TDRD9: variants seen among roughly 807,000 people sequenced by gnomAD.
TDRD9 encodes the protein tudor domain containing 9, also known as ATP-dependent RNA helicase TDRD9.
Under a neutral mutation model 172.6 loss-of-function variants are expected in TDRD9, and 124 were observed. That is an observed-to-expected ratio of 0.72 (90% CI 0.62 to 0.83). The LOEUF is 0.83. Among genes scored for constraint, TDRD9 ranks in the 40% least tolerant of loss-of-function variants. The pLI is 0.00. For missense variants in TDRD9, 1,479 were observed against 1,714.1 expected (o/e 0.86, Z 2.42); for synonymous variants, 619 against 617.1 (o/e 1.00, Z -0.05).
At chr14:103,973,147 C>T (rs56050561) in intron 6 of TDRD9, among the ~76,000 whole-genome samples, 3,374 of 152,134 alleles carry the variant, frequency 0.022, 142 homozygotes, top group Admixed American at 0.12. Flanking sequence ...TCACTGTGTT[C>T]ATGATTTATT....
At chr14:104,003,239 G>T (rs997602296) in intron 13 of TDRD9, among the ~76,000 whole-genome samples, 3 of 152,050 alleles carry the variant, frequency 2.0e-5, no homozygotes, top group Non-Finnish European at 4.4e-5. Flanking sequence ...TTTTATAAGG[G>T]TTAGAGTAGC....
chr14:103,966,711 A>G lies in TDRD9; in HGVS notation c.645A>G (p.Val215=). The G allele has an allele frequency of 1.3e-6, 2 of 1,518,782 alleles. No individual in the cohort carries two copies. The highest frequency in any genetic ancestry group is 1.8e-6 in the Non-Finnish European group (2 of 1,131,116). The allele number at this position is 1,518,782 out of a possible 1,614,324, so 94.1% of individuals were successfully genotyped here. The part of the protein sequence containing the change: ...WTLGGVVGYQ[V]GLEKIATEDT... ...CCTTTTTCCTTCTCCAATTTTAGGTAGGGCTAGAGAAAATAGCAACAGAGG... is the reference window on the plus strand; with the variant it reads ...CCTTTTTCCTTCTCCAATTTTAGGTGGGGCTAGAGAAAATAGCAACAGAGG... The change falls in exon 5 of 36, where the codon GTA becomes GTG. Residue 215 remains valine, a splice_region_variant and synonymous_variant. Transcript: ENST00000409874.
intron 9 of TDRD9, 101 bp downstream of exon 9, chr14:103,991,325 C>T (rs2033856451): frequency 8.1e-7 from 1 of 1,234,434 alleles, no homozygotes; most frequent in Non-Finnish European, 1.2e-6. Context: ...CTCCATAGGA[C>T]TTTATTCTTT....
Position 103,928,560 on chromosome 14 carries a change from C to T in TDRD9, c.51C>T (p.Gly17=), listed in dbSNP as rs539463501. ...IEQINDWFTI[G]KTVTNVELLG... ...AGATCAACGACTGGTTCACCATCGGCAAGACGGTGACCAATGTGGAGCTGC... is the reference window on the plus strand; with the variant it reads ...AGATCAACGACTGGTTCACCATCGGTAAGACGGTGACCAATGTGGAGCTGC... The change falls in exon 1 of 36, where the codon GGC becomes GGT. Residue 17 remains glycine, a synonymous_variant. Transcript: ENST00000409874. The T allele has an allele frequency of 3.0e-5, 42 of 1,388,196 alleles. No individual in the cohort carries two copies. The highest frequency in any genetic ancestry group is 8.9e-5 in the South Asian group (6 of 67,684). The allele number at this position is 1,388,196 out of a possible 1,614,324, so 86.0% of individuals were successfully genotyped here.
chr14:103,978,466 A>T (rs2033343881), intron 7 of TDRD9, among the ~76,000 whole-genome samples: 1 of 151,880 alleles, frequency 6.6e-6, no homozygotes, highest in Non-Finnish European at 1.5e-5. Flanking sequence ...TACTAACTAA[A>T]CTTCACTTTA....
chr14:104,014,244 AAAAAAAG>A (rs200057811), intron 20 of TDRD9, among the ~76,000 whole-genome samples: 10 of 137,638 alleles, frequency 7.3e-5, no homozygotes, highest in South Asian at 2.3e-4. Context: ...AAAAAAAAAA[AAAAAAAG>A]ATAATAATAA....
intron 30 of TDRD9, among the ~76,000 whole-genome samples, chr14:104,032,833 C>CCCTT: frequency 6.6e-6 from 1 of 152,200 alleles, no homozygotes; most frequent in South Asian, 2.1e-4. Context: ...TTGATAAGGG[C>CCCTT]ACAGAACATC....
At chr14:103,948,514 A>G (rs1331740334) in intron 1 of TDRD9, among the ~76,000 whole-genome samples, 1 of 152,206 alleles carries the variant, frequency 6.6e-6, no homozygotes, top group Non-Finnish European at 1.5e-5. Context: ...AAAAGTTTAA[A>G]GGAAGACCTT....
At chr14:103,945,382 T>C (rs968782020) in intron 1 of TDRD9, 1 of 152,208 alleles carries the variant, frequency 6.6e-6, no homozygotes, top group African/African-American at 2.4e-5. Context: ...TTCTAGTACT[T>C]AGTGTGTGCT....
intron 1 of TDRD9, among the ~76,000 whole-genome samples, chr14:103,932,849 AGAACAT>A (rs1369867096): frequency 1.3e-5 from 2 of 152,208 alleles, no homozygotes; most frequent in Non-Finnish European, 2.9e-5. Context: ...AATCAGCAGA[AGAACAT>A]GGGCAATTTT....
chr14:103,966,858 G>A (rs1231695719), intron 5 of TDRD9, 27 bp downstream of exon 5: 1 of 1,536,514 alleles, frequency 6.5e-7, no homozygotes, highest in Admixed American at 2.0e-5. Context: ...ACTTGTAAAG[G>A]TCATATTTAT....
At chr14:103,984,204 TGAG>T (rs2033582316) in intron 7 of TDRD9, among the ~76,000 whole-genome samples, 1 of 152,224 alleles carries the variant, frequency 6.6e-6, no homozygotes, top group African/African-American at 2.4e-5. Flanking sequence ...TCCCATTTTC[TGAG>T]GAGAAGTTCA....
chr14:104,002,537 A>G (rs948717320), intron 13 of TDRD9, among the ~76,000 whole-genome samples: 6 of 152,114 alleles, frequency 3.9e-5, no homozygotes, highest in African/African-American at 1.4e-4. Context: ...ACACCTGGGC[A>G]TTGGTCCTCT....
At chr14:104,050,686 A>G (rs2035912908) in intron 35 of TDRD9, among the ~76,000 whole-genome samples, 1 of 152,174 alleles carries the variant, frequency 6.6e-6, no homozygotes, top group Non-Finnish European at 1.5e-5. Context: ...TAGAGACCCC[A>G]AGGCTGATCC....
At chr14:104,041,529 A>G (rs2035611412) in intron 33 of TDRD9, among the ~76,000 whole-genome samples, 1 of 152,250 alleles carries the variant, frequency 6.6e-6, no homozygotes, top group Non-Finnish European at 1.5e-5. Context: ...AAACTCAATT[A>G]TAAGAAAACA....
chr14:103,992,893 C>G (rs1360204272), intron 9 of TDRD9, among the ~76,000 whole-genome samples: 2 of 140,194 alleles, frequency 1.4e-5, no homozygotes, highest in Non-Finnish European at 3.0e-5. Context: ...CCACTGCACT[C>G]CAGCCTGGGA....
intron 34 of TDRD9, among the ~76,000 whole-genome samples, chr14:104,043,665 C>A (rs552303930): frequency 6.6e-6 from 1 of 152,304 alleles, no homozygotes; most frequent in African/African-American, 2.4e-5. Flanking sequence ...ACCATCACTC[C>A]CTGCCCCCAA....
chr14:103,998,791 CTTTT>C (rs369179781), intron 13 of TDRD9, 63 bp downstream of exon 13: 111 of 631,034 alleles, frequency 1.8e-4, no homozygotes, highest in East Asian at 3.0e-4. Context: ...CATTCAGGTG[CTTTT>C]TTTTTTTTTT....
At chr14:104,009,661 AT>A (rs1351996506) in intron 20 of TDRD9, among the ~76,000 whole-genome samples, 5 of 152,268 alleles carry the variant, frequency 3.3e-5, no homozygotes, top group African/African-American at 1.2e-4. Context: ...ATTAAAAAAA[AT>A]TTTTGGCTCA....
Sources: allele counts gnomAD v4.1 joint callset (sites outside exome capture counted in the v4.1 genomes callset), GRCh38; gene constraint gnomAD v4.1.1; transcripts MANE v1.5; gene names NCBI Gene and HGNC (gene_info 2026-07-23, HGNC 2026-07-21).